Variants in C1orf21 observed in about 807,000 individuals in gnomAD.
C1orf21 encodes the protein uncharacterized protein C1orf21.
C1orf21 carries 3 observed loss-of-function variants against 18.7 expected under a neutral mutation model. That is an observed-to-expected ratio of 0.16 (90% confidence interval 0.07 to 0.42). The LOEUF is 0.42. C1orf21 is among the 10% of genes least tolerant of loss of function. The pLI is 0.99. For synonymous variants in C1orf21, 41 were observed against 46.4 expected (o/e 0.88, Z 0.47); for missense variants, 104 against 143.6 (o/e 0.72, Z 1.41).
At chr1:184,500,454 A>G (rs1031358759) in intron 2 of C1orf21, among the ~76,000 whole-genome samples, 14 of 152,032 alleles carry the variant, frequency 9.2e-5, no homozygotes, top group African/African-American at 3.1e-4. Flanking sequence ...GAACCTCTGA[A>G]CCCTAAGGTC....
intron 3 of C1orf21, among the ~76,000 whole-genome samples, chr1:184,521,721 T>C (rs1658308811): frequency 6.6e-6 from 1 of 152,154 alleles, no homozygotes. Context: ...TAGAGCTTTA[T>C]AGCAAAGAGA....
At chr1:184,485,544 G>C (rs1016360938) in intron 2 of C1orf21, among the ~76,000 whole-genome samples, 1 of 152,166 alleles carries the variant, frequency 6.6e-6, no homozygotes, top group East Asian at 1.9e-4. Flanking sequence ...GGATCTAAGA[G>C]AAAAGGAGTT....
chr1:184,595,701 G>A (rs1659502365), intron 4 of C1orf21, among the ~76,000 whole-genome samples: 1 of 152,146 alleles, frequency 6.6e-6, no homozygotes, highest in Non-Finnish European at 1.5e-5. Flanking sequence ...GTGGGCATTT[G>A]CTCCCCCGGC....
chr1:184,623,144 T>G lies in C1orf21; in HGVS notation c.*3588T>G, dbSNP rs1251810636. ...TGGCATGTGGATTACAAGTCCTGCT[T>G]TGACACTGGGCAAGAATTTAAGATT... On this transcript the variant is annotated 3_prime_UTR_variant, in exon 6 of 6. Transcript: ENST00000235307. 1 of 152,206 alleles carries G rather than the reference T, an allele frequency of 6.6e-6. No homozygotes were observed. Among genetic ancestry groups the G allele is most frequent in the African/African-American group, 2.4e-5 (1 of 41,440 alleles). 9.4% of individuals were successfully genotyped at this position (152,206 alleles called of 1,614,324 possible).
intron 1 of C1orf21, among the ~76,000 whole-genome samples, chr1:184,440,764 A>G (rs979776435): frequency 6.6e-6 from 1 of 152,222 alleles, no homozygotes; most frequent in African/African-American, 2.4e-5. Flanking sequence ...ACTTAAAAAT[A>G]TGTGTTACGT....
intron 3 of C1orf21, among the ~76,000 whole-genome samples, chr1:184,547,511 G>A (rs1658743440): frequency 7.3e-6 from 1 of 136,500 alleles, no homozygotes; most frequent in Non-Finnish European, 1.5e-5. Flanking sequence ...CATGGTTTCT[G>A]AAAACCACAG....
At chr1:184,612,557 C>T (rs577373864) in intron 5 of C1orf21, among the ~76,000 whole-genome samples, 6 of 152,304 alleles carry the variant, frequency 3.9e-5, no homozygotes, top group South Asian at 4.1e-4. Context: ...GAAACCTTGT[C>T]TCTGCTAAAA....
chr1:184,563,066 T>G (rs771327285), intron 3 of C1orf21, among the ~76,000 whole-genome samples: 7 of 152,210 alleles, frequency 4.6e-5, no homozygotes, highest in Non-Finnish European at 1.0e-4. Context: ...GTCATTTAGC[T>G]GAATTGTGGA....
rs189586519 is a variant in C1orf21, at chr1:184,405,259, G to T, written c.-125+17891G>T. Among the ~76,000 whole-genome samples the T allele has an allele frequency of 3.5e-3, 527 of 151,906 alleles. 4 individuals are homozygous for T. Among genetic ancestry groups the T allele is most frequent in the African/African-American group, 0.012 (511 of 41,454 alleles). On this transcript the variant is annotated intron_variant, in intron 1 of 5. Transcript: ENST00000235307. ...TGCCCATGCTGGAGTGCAGTGGCAC[G>T]ATCACAGCTTATTGCAGCCTCAATC...
intron 2 of C1orf21, among the ~76,000 whole-genome samples, chr1:184,493,551 CT>C (rs1245343721): frequency 6.6e-6 from 1 of 152,200 alleles, no homozygotes; most frequent in African/African-American, 2.4e-5. Flanking sequence ...TTTAAATTCC[CT>C]TCCAGCTATA....
chr1:184,559,477 T>TCCTTCCTTCCTTCCTTCCTTCCCC (rs1658922527), intron 3 of C1orf21, among the ~76,000 whole-genome samples: 11 of 108,892 alleles, frequency 1.0e-4, no homozygotes, highest in South Asian at 3.1e-4. Context: ...CTCCTTTCCC[T>TCCTTCCTTCCTTCCTTCCTTCCCC]CCTTCCTTCC....
intron 1 of C1orf21, among the ~76,000 whole-genome samples, chr1:184,388,147 T>C (rs904466506): frequency 3.3e-5 from 5 of 152,182 alleles, no homozygotes; most frequent in African/African-American, 4.8e-5. Context: ...TTTTTGTTTT[T>C]GTTTTTGTTT....
intron 3 of C1orf21, among the ~76,000 whole-genome samples, chr1:184,576,316 G>T (rs1405436848): frequency 6.6e-6 from 1 of 152,116 alleles, no homozygotes; most frequent in Non-Finnish European, 1.5e-5. Flanking sequence ...GTAGAGATGG[G>T]GTTTCACCAT....
At chr1:184,468,486 AG>A (rs1657440833) in intron 1 of C1orf21, among the ~76,000 whole-genome samples, 1 of 152,256 alleles carries the variant, frequency 6.6e-6, no homozygotes, top group Non-Finnish European at 1.5e-5. Flanking sequence ...TTCAATTTGT[AG>A]GATTCAGATC....
intron 3 of C1orf21, among the ~76,000 whole-genome samples, chr1:184,552,589 G>A (rs1448456256): frequency 6.6e-6 from 1 of 151,966 alleles, no homozygotes; most frequent in African/African-American, 2.4e-5. Flanking sequence ...GTACAAAGAT[G>A]GTTACTACAG....
chr1:184,421,700 G>A (rs1202209411), intron 1 of C1orf21, among the ~76,000 whole-genome samples: 1 of 152,122 alleles, frequency 6.6e-6, no homozygotes, highest in Non-Finnish European at 1.5e-5. Context: ...TGGAGTTACA[G>A]TCTTAAAAAA....
chr1:184,418,273 G>A (rs1161488898), intron 1 of C1orf21, among the ~76,000 whole-genome samples: 2 of 151,966 alleles, frequency 1.3e-5, no homozygotes, highest in African/African-American at 4.8e-5. Context: ...GGGCTGGAAT[G>A]CAGTGGCGCC....
intron 1 of C1orf21, among the ~76,000 whole-genome samples, chr1:184,390,238 T>C (rs1326452840): frequency 6.6e-6 from 1 of 152,230 alleles, no homozygotes; most frequent in Admixed American, 6.5e-5. Flanking sequence ...GTGTGGTCAC[T>C]GCTCATTTCA....
At chr1:184,485,867 T>C (rs1571380708) in intron 2 of C1orf21, among the ~76,000 whole-genome samples, 1 of 152,322 alleles carries the variant, frequency 6.6e-6, no homozygotes, top group African/African-American at 2.4e-5. Flanking sequence ...CATGTTTCCC[T>C]TTTTCTGTTT....
Sources: gnomAD v4.1 joint callset for allele counts (sites outside exome capture counted in the v4.1 genomes callset) on GRCh38, gnomAD v4.1.1 for gene constraint, MANE v1.5 for transcripts, NCBI Gene and HGNC (gene_info 2026-07-23, HGNC 2026-07-21) for gene names.